CLCN5: variants seen among roughly 807,000 people sequenced by gnomAD.
CLCN5 encodes H(+)/Cl(-) exchange transporter 5.
CLCN5 carries 17 observed loss-of-function variants against 54.0 expected under a neutral mutation model. That is an observed-to-expected ratio of 0.31 (90% confidence interval 0.22 to 0.47). CLCN5 has a LOEUF of 0.47. CLCN5 is among the 20% of genes least tolerant of loss of function. The pLI, the probability that CLCN5 is intolerant of heterozygous loss-of-function variation, is 1.00. For missense variants in CLCN5, 448 were observed against 646.7 expected, an observed-to-expected ratio of 0.69 and a Z score of 3.33; for synonymous variants, 222 against 233.0, an observed-to-expected ratio of 0.95 and a Z score of 0.43.
chrX:50,049,002 T>G (rs782041212), intron 4 of CLCN5, among the ~76,000 whole-genome samples: 18 of 111,141 alleles, frequency 1.6e-4, no homozygotes, highest in Non-Finnish European at 3.0e-4. Context: ...TCTCTAATTC[T>G]AATCTATTAC....
intron 3 of CLCN5, among the ~76,000 whole-genome samples, chrX:50,038,084 G>A (rs1322067111): frequency 1.8e-5 from 2 of 111,746 alleles, no homozygotes; most frequent in African/African-American, 6.5e-5. Flanking sequence ...AAGCATAATG[G>A]GGATATGTCA....
chrX:50,093,934 A>G lies in CLCN5; in HGVS notation c.*1715A>G, dbSNP rs1449789911. ...GCAGTGAGATTTCACTGCCGGGGTA[A>G]GAGTTCAGCCTGGATGATTTTATAG... On this transcript the variant is annotated 3_prime_UTR_variant, in exon 15 of 15. Coordinates refer to ENST00000376091, the MANE Select transcript of CLCN5 (RefSeq NM_001127898.4). The G allele has an allele frequency of 1.8e-5, 2 of 110,828 alleles. No individual in the cohort carries two copies. Among genetic ancestry groups the G allele is most frequent in the Non-Finnish European group, 3.8e-5 (2 of 52,927 alleles). 9.1% of individuals were successfully genotyped at this position (110,828 alleles called of 1,213,427 possible). A position where few individuals can be genotyped will look rare whatever the true frequency, so the allele number is the denominator to read the frequency against.
intron 3 of CLCN5, among the ~76,000 whole-genome samples, chrX:49,964,377 C>T (rs189821432): frequency 1.0e-3 from 115 of 111,920 alleles, no homozygotes; most frequent in Non-Finnish European, 1.7e-3. Flanking sequence ...CTTTATTCTA[C>T]GCACCTTACA....
chrX:49,937,008 AC>A (rs1217407720), intron 3 of CLCN5, among the ~76,000 whole-genome samples: 2 of 111,624 alleles, frequency 1.8e-5, no homozygotes, highest in Non-Finnish European at 3.8e-5. Flanking sequence ...TGGAAAGATC[AC>A]TTGGGATCAG....
chrX:50,064,064 G>A (rs1375145328), intron 4 of CLCN5, among the ~76,000 whole-genome samples: 4 of 104,671 alleles, frequency 3.8e-5, no homozygotes, highest in Middle Eastern at 4.9e-3. Context: ...TACTGAATGG[G>A]CAAAAACTGG....
rs1293282291 is a variant in CLCN5, at chrX:50,090,252, C to A, written c.1881C>A (p.Ile627=). 1.4e-5 allele frequency: 17 copies of A among 1,209,980 alleles called. No individual in the cohort carries two copies. The highest frequency in any genetic ancestry group is 1.9e-5 in the Non-Finnish European group (17 of 895,178). ...CAGATGCTCTTGGGCGGGAGGGCAT[C>A]TATGATGCCCACATCCGTCTCAATG... The part of the protein sequence containing the change: ...WVADALGREG[I]YDAHIRLNGY... Residue 627 remains isoleucine, a synonymous_variant, in exon 13 of 15, where the codon ATC becomes ATA. Transcript: ENST00000376091.
chrX:49,980,617 A>G (rs1009510086), intron 3 of CLCN5, among the ~76,000 whole-genome samples: 10 of 112,244 alleles, frequency 8.9e-5, no homozygotes, highest in East Asian at 2.8e-4. Context: ...TAAAATGCCA[A>G]TGACTGAAAA....
At position 49,922,858 on chromosome X, in the gene CLCN5, C is replaced by T. The variant is rs976307781; in HGVS notation, c.-205+66C>T. 2.1e-4 allele frequency: 24 copies of T among 112,814 alleles called. 1 individual carries two copies. Among genetic ancestry groups the T allele is most frequent in the African/African-American group, 7.1e-4 (22 of 31,103 alleles). The allele number at this position is 112,814 out of a possible 1,213,427, so 9.3% of individuals were successfully genotyped here. ...GCGGGCCGCTGGCCCCCGGCCCACC[C>T]CCGGAGCACCCCCTAAGCGCAGCGA... On this transcript the variant is annotated intron_variant, in intron 1 of 14. Coordinates refer to ENST00000376091, the MANE Select transcript of CLCN5 (RefSeq NM_001127898.4).
At chrX:50,057,786 A>G (rs1170590529) in intron 4 of CLCN5, among the ~76,000 whole-genome samples, 9 of 109,286 alleles carry the variant, frequency 8.2e-5, no homozygotes, top group Non-Finnish European at 1.7e-4. Flanking sequence ...AGCAAAATGA[A>G]GGCACAAGTT....
chrX:49,989,443 G>A (rs1929149516), intron 3 of CLCN5, among the ~76,000 whole-genome samples: 1 of 111,755 alleles, frequency 8.9e-6, no homozygotes, highest in Admixed American at 9.4e-5. Context: ...TAAGTCCCTT[G>A]ATACATATTC....
chrX:49,945,418 G>C (rs782283030), intron 3 of CLCN5: 1 of 109,106 alleles, frequency 9.2e-6, no homozygotes, highest in African/African-American at 3.3e-5. Context: ...TCTAATTTTA[G>C]TATATGTGCT....
intron 3 of CLCN5, among the ~76,000 whole-genome samples, chrX:50,016,553 CTAT>C (rs1404836708): frequency 1.8e-5 from 2 of 108,861 alleles, no homozygotes; most frequent in African/African-American, 3.3e-5. Context: ...TGTATTATAA[CTAT>C]TATTAAATAA....
rs369114680 is a variant in CLCN5 at position 50,048,676 on chromosome X, T to C, written c.163+6214T>C. 3.7e-4 allele frequency among the ~76,000 whole-genome samples: 41 copies of C among 111,357 alleles called. 1 individual carries two copies. In the South Asian group the frequency reaches 0.015, roughly 42 times the overall value. On this transcript the variant is annotated intron_variant, in intron 4 of 14. Coordinates refer to ENST00000376091, the MANE Select transcript of CLCN5 (RefSeq NM_001127898.4). ...GGGGTCTTTTTTGAGCATATCCTTA[T>C]TTTTTGGCACTACAACATGCTCTAG...
At chrX:50,083,110 A>T (rs1156371792) in intron 9 of CLCN5, among the ~76,000 whole-genome samples, 1 of 110,704 alleles carries the variant, frequency 9.0e-6, no homozygotes, top group Non-Finnish European at 1.9e-5. Flanking sequence ...AAGAAGTCAC[A>T]TATGGAATGG....
In CLCN5 at chrX:50,072,500, A is replaced by G; in HGVS notation, c.327A>G (p.Lys109=). The part of the protein sequence containing the change: ...DRDRHREITN[K]SKESTWALIH... ...TCATTTTCCCCTAGATTACCAATAA[A>G]AGCAAAGAGTCAACATGGGCCTTAA... is the stretch of plus-strand genomic sequence containing the variant. The change falls in exon 6 of 15, where the codon AAA becomes AAG. Residue 109 remains lysine, a synonymous_variant. Coordinates refer to ENST00000376091, the MANE Select transcript of CLCN5 (RefSeq NM_001127898.4). The G allele has an allele frequency of 8.3e-7, 1 of 1,202,488 alleles. No homozygotes were observed. The highest frequency in any genetic ancestry group is 3.0e-5 in the East Asian group (1 of 33,796).
At chrX:49,939,097 C>G (rs1231248737) in intron 3 of CLCN5, among the ~76,000 whole-genome samples, 1 of 111,835 alleles carries the variant, frequency 8.9e-6, no homozygotes, top group Non-Finnish European at 1.9e-5. Flanking sequence ...GATACCACCT[C>G]ACACCAGTTA....
chrX:50,051,305 G>A (rs782788669), intron 4 of CLCN5, among the ~76,000 whole-genome samples: 6 of 111,975 alleles, frequency 5.4e-5, no homozygotes, highest in African/African-American at 9.7e-5. Context: ...TTGCCTTTGC[G>A]CCTTCTTTAA....
chrX:50,031,889 T>G (rs1337001017), intron 3 of CLCN5, among the ~76,000 whole-genome samples: 1 of 68,545 alleles, frequency 1.5e-5, no homozygotes, highest in Non-Finnish European at 2.5e-5. Context: ...CCCACAACAG[T>G]CCCCAGAGTG....
chrX:50,089,496 A>G (rs1356143288), intron 12 of CLCN5, among the ~76,000 whole-genome samples: 1 of 112,564 alleles, frequency 8.9e-6, no homozygotes, highest in Non-Finnish European at 1.9e-5. Context: ...CTAATAGATA[A>G]TGACTTTCTT....
Sources: allele counts gnomAD v4.1 joint callset (sites outside exome capture counted in the v4.1 genomes callset), GRCh38; gene constraint gnomAD v4.1.1; transcripts MANE v1.5; gene names NCBI Gene and HGNC (gene_info 2026-07-23, HGNC 2026-07-21).